The following MACO1 variants were observed in gnomAD, a reference collection of about 807,000 sequenced individuals.
The protein encoded by MACO1 is macoilin 1, also known as macoilin.
Under a neutral mutation model 78.7 loss-of-function variants are expected in MACO1, and 14 were observed. The ratio of observed to expected loss-of-function variants is 0.18; its 90% CI spans 0.12 to 0.28. The LOEUF is 0.28. Among genes scored for constraint, MACO1 ranks in the 10% least tolerant of loss-of-function variants. The pLI is 1.00. For missense variants in MACO1, 501 were observed against 799.0 expected, an observed-to-expected ratio of 0.63 and a Z score of 4.50; for synonymous variants, 288 against 291.6, an observed-to-expected ratio of 0.99 and a Z score of 0.12.
chr1:25,433,168 CTG>C (rs1300788063), intron 1 of MACO1, among the ~76,000 whole-genome samples: 2 of 152,178 alleles, frequency 1.3e-5, no homozygotes, highest in Non-Finnish European at 2.9e-5. Context: ...GTATTTCTAA[CTG>C]TCTTTCCTGG....
intron 6 of MACO1, 143 bp from the exon 7 acceptor site, chr1:25,483,973 A>T: frequency 1.3e-6 from 1 of 746,630 alleles, no homozygotes; most frequent in Non-Finnish European, 2.1e-6. Context: ...CCAGTTGCAG[A>T]CAGGAGTCCT....
chr1:25,432,933 T>C (rs551793339), intron 1 of MACO1, among the ~76,000 whole-genome samples: 27 of 152,320 alleles, frequency 1.8e-4, no homozygotes, highest in African/African-American at 6.5e-4. Context: ...TCAGTGTGAA[T>C]CGATGTGAAG....
chr1:25,477,510 T>C (rs2043332685), intron 6 of MACO1, among the ~76,000 whole-genome samples: 1 of 152,196 alleles, frequency 6.6e-6, no homozygotes, highest in Admixed American at 6.5e-5. Flanking sequence ...AGTTCATAGA[T>C]AACCAGCAAA....
intron 1 of MACO1, among the ~76,000 whole-genome samples, chr1:25,436,308 A>G (rs2042918593): frequency 1.0e-5 from 1 of 96,118 alleles, no homozygotes; most frequent in Non-Finnish European, 2.1e-5. Context: ...GGTTTTATGT[A>G]TATAAAGTGC....
Position 25,491,447 on chromosome 1 carries a change from AG to A in MACO1, c.1657del (p.Val553CysfsTer2). On this transcript the variant is annotated frameshift_variant, in exon 10 of 11. Coordinates refer to ENST00000374343, the MANE Select transcript of MACO1 (RefSeq NM_018202.6). LOFTEE classifies it high-confidence loss of function. ...TATAAGGAAAATGAGAAGGACACTGAGGTGTTAATGTCAGCCCTCTCAGCCA... is the reference window on the plus strand; with the variant it reads ...TATAAGGAAAATGAGAAGGACACTGAGTGTTAATGTCAGCCCTCTCAGCCA... ...RKYKENEKDT[E>X]VLMSALSAMQ... 1 of 1,614,258 alleles carries A rather than the reference AG, an allele frequency of 6.2e-7. No individual in the cohort carries two copies. Among genetic ancestry groups the A allele is most frequent in the Non-Finnish European group, 8.5e-7 (1 of 1,180,030 alleles).
intron 6 of MACO1, among the ~76,000 whole-genome samples, chr1:25,471,171 T>G (rs2043266581): frequency 6.6e-6 from 1 of 151,984 alleles, no homozygotes; most frequent in African/African-American, 2.4e-5. Flanking sequence ...AAACTCTGTC[T>G]CTACTAAAAA....
intron 1 of MACO1, among the ~76,000 whole-genome samples, chr1:25,445,041 C>G (rs1174486763): frequency 6.7e-6 from 1 of 149,682 alleles, no homozygotes; most frequent in Non-Finnish European, 1.5e-5. Context: ...CAGGCACATA[C>G]CTGAAATCCC....
rs112816923 is a variant in MACO1 at position 25,458,561 on chromosome 1, A to T, written c.823A>T (p.Ile275Phe). 15 of 1,614,096 alleles carry T rather than the reference A, an allele frequency of 9.3e-6. No homozygotes were observed. In the African/African-American group the frequency reaches 1.9e-4, roughly 20 times the overall value. Residue 275 changes from isoleucine to phenylalanine, a missense_variant, in exon 6 of 11, where the codon ATT (isoleucine) becomes TTT (phenylalanine). By Grantham distance (21) the Ile-to-Phe change is conservative. This residue lies in a region of MACO1 where 90 missense variants were observed against 85.7 expected (regional missense o/e 1.05). Transcript: ENST00000374343. The stretch of plus-strand genomic sequence containing the variant: ...CAACCTTGGAATAAATAACAACAAT[A>T]TTCTACAACCTGTAGACTCTAAAAT... The part of the protein sequence containing the change: ...KHNLGINNNN[I>F]LQPVDSKIQE...
chr1:25,490,644 AT>A (rs2043477254), intron 9 of MACO1, among the ~76,000 whole-genome samples: 1 of 152,226 alleles, frequency 6.6e-6, no homozygotes, highest in Non-Finnish European at 1.5e-5. Flanking sequence ...ATGCAAAAAA[AT>A]TGAAAACAGT....
chr1:25,430,916 A>T lies in MACO1; in HGVS notation c.-183A>T. The T allele has an allele frequency of 2.1e-6, 1 of 467,250 alleles. No individual in the cohort carries two copies. Among genetic ancestry groups the T allele is most frequent in the East Asian group, 3.8e-5 (1 of 26,102 alleles). 28.9% of individuals were successfully genotyped at this position (467,250 alleles called of 1,614,324 possible). Reference sequence around the variant, plus strand: ...GGAATTGTCATTTCTTTGTTTCCGAAGGCGGAGGAGGCTCCGAGCCCCCCC... The same window carrying T: ...GGAATTGTCATTTCTTTGTTTCCGATGGCGGAGGAGGCTCCGAGCCCCCCC... On this transcript the variant is annotated 5_prime_UTR_variant, in exon 1 of 11. The change creates a new upstream start codon in the 5' untranslated region. Coordinates refer to ENST00000374343, the MANE Select transcript of MACO1 (RefSeq NM_018202.6).
chr1:25,481,548 G>T (rs961772370), intron 6 of MACO1, among the ~76,000 whole-genome samples: 1 of 152,162 alleles, frequency 6.6e-6, no homozygotes, highest in Non-Finnish European at 1.5e-5. Flanking sequence ...GCAATCCTCA[G>T]ACTGTGAAAT....
At chr1:25,491,718 C>A in intron 10 of MACO1, 134 bp downstream of exon 10, 1 of 660,994 alleles carries the variant, frequency 1.5e-6, no homozygotes, top group Non-Finnish European at 2.6e-6. Context: ...AAGTGCCCAA[C>A]ATTGAAATAT....
At chr1:25,498,109 C>G (rs1325218615) in intron 10 of MACO1, among the ~76,000 whole-genome samples, 155 bp from the exon 11 acceptor site, 1 of 152,182 alleles carries the variant, frequency 6.6e-6, no homozygotes, top group African/African-American at 2.4e-5. Flanking sequence ...AAAATATTTA[C>G]TGTGTCCCAT....
At chr1:25,457,402 A>G (rs1475643742) in intron 5 of MACO1, among the ~76,000 whole-genome samples, 4 of 152,134 alleles carry the variant, frequency 2.6e-5, no homozygotes, top group East Asian at 1.9e-4. Context: ...ATGAGCCACT[A>G]TGCCCAGCCT....
chr1:25,448,657 T>C (rs1179896092), intron 2 of MACO1, 151 bp from the exon 3 acceptor site: 6 of 598,490 alleles, frequency 1.0e-5, no homozygotes, highest in Non-Finnish European at 1.5e-5. Context: ...ATTTTAAATG[T>C]TTAAAATTTC....
At chr1:25,466,044 G>T (rs983546620) in intron 6 of MACO1, among the ~76,000 whole-genome samples, 8 of 152,052 alleles carry the variant, frequency 5.3e-5, no homozygotes, top group Non-Finnish European at 8.8e-5. Context: ...CCATATCTTT[G>T]CTATTGTGAC....
chr1:25,466,384 G>T (rs181337087), intron 6 of MACO1, among the ~76,000 whole-genome samples: 46 of 152,256 alleles, frequency 3.0e-4, no homozygotes, highest in African/African-American at 6.5e-4. Context: ...TGCCATCTTG[G>T]CTCACTGCAA....
chr1:25,475,784 A>G (rs1431989830), intron 6 of MACO1, among the ~76,000 whole-genome samples: 1 of 152,204 alleles, frequency 6.6e-6, no homozygotes, highest in African/African-American at 2.4e-5. Context: ...GATAACCACT[A>G]TTTTATATCC....
At chr1:25,496,803 T>C (rs891606105) in intron 10 of MACO1, among the ~76,000 whole-genome samples, 6 of 152,026 alleles carry the variant, frequency 3.9e-5, no homozygotes, top group African/African-American at 7.3e-5. Flanking sequence ...TTGCCAGAGA[T>C]TGAAGAATGC....
Sources: allele counts gnomAD v4.1 joint callset (sites outside exome capture counted in the v4.1 genomes callset), GRCh38; gene constraint gnomAD v4.1.1; regional missense constraint gnomAD v4.1.1; transcripts MANE v1.5; gene names NCBI Gene and HGNC (gene_info 2026-07-23, HGNC 2026-07-21).